The following UTRN variants were observed in gnomAD, a reference collection of about 807,000 sequenced individuals.
UTRN encodes the protein dystrophin-related protein 1.
Under a neutral mutation model 463.9 loss-of-function variants are expected in UTRN, and 283 were observed. That is an observed-to-expected ratio of 0.61 (90% CI 0.55 to 0.67). The LOEUF (loss-of-function observed/expected upper bound fraction) is 0.67, where lower values mean the gene tolerates loss of function less well. Ranked by LOEUF, UTRN falls within the 30% of genes least tolerant of loss-of-function variation. UTRN has a pLI of 0.00. For synonymous variants in UTRN, 1,442 were observed against 1,431.5 expected, an observed-to-expected ratio of 1.01 and a Z score of -0.17; for missense variants, 3,922 against 4,084.3, an observed-to-expected ratio of 0.96 and a Z score of 1.08.
At chr6:144,648,184 G>C (rs982937540) in intron 51 of UTRN, among the ~76,000 whole-genome samples, 3 of 152,150 alleles carry the variant, frequency 2.0e-5, no homozygotes, top group Non-Finnish European at 2.9e-5. Flanking sequence ...GCTGGCTCTT[G>C]TTCCCTTTAT....
At position 144,782,069 on chromosome 6, in the gene UTRN, A is replaced by T. The variant is rs150385677; in HGVS notation, c.8780A>T (p.Asn2927Ile). 1.9e-6 allele frequency: 3 copies of T among 1,613,922 alleles called. No individual in the cohort carries two copies. The highest frequency in any genetic ancestry group is 2.2e-5 in the South Asian group (2 of 91,054). The part of the protein sequence containing the change: ...GLEQMHKDLV[N>I]VPLCVDMCLN... ...GAGCAAATGCATAAGGACCTGGTCA[A>T]CGTTCCACTCTGTGTTGATATGTGT... The change falls in exon 61 of 75, where the codon AAC becomes ATC. Residue 2927 changes from asparagine (N) to isoleucine (I), a missense_variant. Asn to Ile is a moderately radical substitution (Grantham distance 149). Coordinates refer to ENST00000367545, the MANE Select transcript of UTRN (RefSeq NM_007124.3).
intron 2 of UTRN, chr6:144,344,419 G>A: frequency 8.4e-7 from 1 of 1,191,380 alleles, no homozygotes; most frequent in Non-Finnish European, 1.1e-6. Flanking sequence ...GACCAGGCTG[G>A]TGACGGGAAC....
At chr6:144,348,520 A>G (rs1278868256) in intron 2 of UTRN, among the ~76,000 whole-genome samples, 2 of 152,230 alleles carry the variant, frequency 1.3e-5, no homozygotes, top group African/African-American at 4.8e-5. Context: ...TTTTTTGCAG[A>G]TCTTAATAAT....
chr6:144,515,093 T>G (rs773302881), intron 37 of UTRN, among the ~76,000 whole-genome samples: 32 of 152,054 alleles, frequency 2.1e-4, no homozygotes, highest in Admixed American at 3.9e-4. Flanking sequence ...TTAGGAGAGA[T>G]AGGGTTTCAC....
chr6:144,614,346 G>A (rs931042244), intron 51 of UTRN, among the ~76,000 whole-genome samples: 1 of 152,072 alleles, frequency 6.6e-6, no homozygotes, highest in African/African-American at 2.4e-5. Flanking sequence ...AGTGAAAAGA[G>A]TGGCTACCAA....
intron 53 of UTRN, among the ~76,000 whole-genome samples, chr6:144,715,140 A>C (rs1786252426): frequency 6.6e-6 from 1 of 152,202 alleles, no homozygotes; most frequent in African/African-American, 2.4e-5. Context: ...CTCACAGTTA[A>C]TATGACCAAA....
At chr6:144,803,581 CTATTTA>C (rs1161241415) in intron 65 of UTRN, among the ~76,000 whole-genome samples, 1 of 151,822 alleles carries the variant, frequency 6.6e-6, no homozygotes. Flanking sequence ...TTTTAAGATT[CTATTTA>C]TATTTATATT....
chr6:144,334,455 G>A (rs1212216598), intron 2 of UTRN, among the ~76,000 whole-genome samples: 2 of 151,854 alleles, frequency 1.3e-5, no homozygotes, highest in East Asian at 1.9e-4. Flanking sequence ...GTCATCTGTC[G>A]CCGAAAGACT....
intron 48 of UTRN, 119 bp downstream of exon 48, chr6:144,551,201 G>A: frequency 3.2e-6 from 2 of 625,864 alleles, no homozygotes; most frequent in East Asian, 3.0e-5. Context: ...CAACTAGAAA[G>A]TAATAGTGTT....
chr6:144,840,858 C>T (rs1418088210), intron 73 of UTRN, 26 bp downstream of exon 73: 1 of 1,603,418 alleles, frequency 6.2e-7, no homozygotes, highest in Admixed American at 1.7e-5. Context: ...TGCAGCACCA[C>T]AGCTGCACGT....
At chr6:144,560,154 A>G (rs1011665627) in intron 50 of UTRN, among the ~76,000 whole-genome samples, 1 of 152,190 alleles carries the variant, frequency 6.6e-6, no homozygotes, top group Non-Finnish European at 1.5e-5. Context: ...AATAAACTGA[A>G]GTACAGAGAA....
At chr6:144,621,983 G>T (rs1435319159) in intron 51 of UTRN, among the ~76,000 whole-genome samples, 2 of 150,462 alleles carry the variant, frequency 1.3e-5, no homozygotes, top group African/African-American at 4.9e-5. Flanking sequence ...TTTATTTAAA[G>T]CTCTTGCTTA....
rs1256364014 is a variant in UTRN at position 144,511,038 on chromosome 6, C to T, written c.4859C>T (p.Pro1620Leu). ...ALQNLIEGSE[P>L]ILEERLCVLN... ...CAAAACTTGATTGAGGGCAGTGAGC[C>T]TATTTTAGAAGAGAGGCTCTGCGTC... Residue 1620 changes from proline (P) to leucine (L), a missense_variant, in exon 35 of 75, where the codon CCT becomes CTT. Pro to Leu is a moderately conservative substitution (Grantham distance 98, BLOSUM62 -3). Coordinates refer to ENST00000367545, the MANE Select transcript of UTRN (RefSeq NM_007124.3). The T allele has an allele frequency of 6.2e-7, 1 of 1,612,928 alleles. No individual in the cohort carries two copies. The highest frequency in any genetic ancestry group is 1.3e-5 in the African/African-American group (1 of 74,858).
chr6:144,781,084 G>A (rs146469145), intron 60 of UTRN, among the ~76,000 whole-genome samples: 1,915 of 152,296 alleles, frequency 0.013, 20 homozygotes, highest in Non-Finnish European at 0.018. Context: ...CAGGGGCTCT[G>A]CCTTCACCTC....
At chr6:144,629,961 G>T (rs546520830) in intron 51 of UTRN, among the ~76,000 whole-genome samples, 4 of 152,068 alleles carry the variant, frequency 2.6e-5, no homozygotes, top group African/African-American at 4.8e-5. Context: ...TGAAGCAGGC[G>T]GATCATGAGG....
At chr6:144,615,662 T>C (rs1031276308) in intron 51 of UTRN, among the ~76,000 whole-genome samples, 25 of 152,322 alleles carry the variant, frequency 1.6e-4, no homozygotes, top group Middle Eastern at 6.8e-3. Context: ...ATATTCTTAA[T>C]CATCTGTCTC....
At chr6:144,474,353 G>A (rs896281329) in intron 24 of UTRN, among the ~76,000 whole-genome samples, 5 of 151,998 alleles carry the variant, frequency 3.3e-5, no homozygotes, top group Admixed American at 1.3e-4. Flanking sequence ...AAATCATCAG[G>A]CTTCTCTACA....
At chr6:144,544,038 G>A (rs145401203) in intron 46 of UTRN, among the ~76,000 whole-genome samples, 4 of 152,228 alleles carry the variant, frequency 2.6e-5, no homozygotes, top group African/African-American at 7.2e-5. Flanking sequence ...ATCGTCATGG[G>A]TTATCTTACT....
At chr6:144,532,133 T>C (rs1797115821) in intron 42 of UTRN, among the ~76,000 whole-genome samples, 1 of 149,644 alleles carries the variant, frequency 6.7e-6, no homozygotes, top group Non-Finnish European at 1.5e-5. Context: ...CAATACTGTG[T>C]CAATAAATAA....
Sources: gnomAD v4.1 joint callset for allele counts (sites outside exome capture counted in the v4.1 genomes callset) on GRCh38, gnomAD v4.1.1 for gene constraint, MANE v1.5 for transcripts, NCBI Gene and HGNC (gene_info 2026-07-23, HGNC 2026-07-21) for gene names.